The following PARP8 variants were observed in gnomAD, a reference collection of about 807,000 sequenced individuals.
The protein encoded by PARP8 is protein mono-ADP-ribosyltransferase PARP8.
Under a neutral mutation model 124.1 loss-of-function variants are expected in PARP8, and 51 were observed. The ratio of observed to expected loss-of-function variants is 0.41; its 90% CI spans 0.33 to 0.52. The LOEUF (loss-of-function observed/expected upper bound fraction) is 0.52, where lower values mean the gene tolerates loss of function less well. Among genes scored for constraint, PARP8 ranks in the 20% least tolerant of loss-of-function variants. PARP8 has a pLI of 0.21. For missense variants in PARP8, 860 were observed against 1,018.9 expected (o/e 0.84, Z 2.12); for synonymous variants, 391 against 361.5 (o/e 1.08, Z -0.93).
intron 2 of PARP8, among the ~76,000 whole-genome samples, chr5:50,714,541 TTAGG>T (rs899188824): frequency 1.3e-4 from 20 of 152,032 alleles, no homozygotes; most frequent in Non-Finnish European, 2.9e-5. Context: ...CCCGCATGCA[TTAGG>T]TAGCCACTGA....
At chr5:50,807,294 A>T (rs1743960038) in intron 14 of PARP8, among the ~76,000 whole-genome samples, 1 of 152,052 alleles carries the variant, frequency 6.6e-6, no homozygotes, top group Admixed American at 6.6e-5. Flanking sequence ...GCTTTTGTTT[A>T]CAAAAATTAT....
At chr5:50,774,518 G>C (rs1372967399) in intron 7 of PARP8, among the ~76,000 whole-genome samples, 1 of 143,658 alleles carries the variant, frequency 7.0e-6, no homozygotes, top group Non-Finnish European at 1.5e-5. Context: ...TCACTTCCCA[G>C]ACGGGGTGGC....
chr5:50,769,391 A>G (rs1463768759), intron 7 of PARP8, among the ~76,000 whole-genome samples: 1 of 151,786 alleles, frequency 6.6e-6, no homozygotes, highest in Admixed American at 6.6e-5. Flanking sequence ...AAGATGGGAG[A>G]AAAAAAATGT....
intron 9 of PARP8, among the ~76,000 whole-genome samples, chr5:50,788,176 A>G (rs1741488673): frequency 6.8e-6 from 1 of 146,338 alleles, no homozygotes; most frequent in Non-Finnish European, 1.5e-5. Context: ...TATATTATAC[A>G]TTAATATATA....
intron 2 of PARP8, among the ~76,000 whole-genome samples, chr5:50,725,636 A>C (rs1243655857): frequency 6.6e-6 from 1 of 152,200 alleles, no homozygotes; most frequent in Non-Finnish European, 1.5e-5. Flanking sequence ...GCTAGCTAAC[A>C]GAAGTTAAAA....
chr5:50,814,973 AT>A (rs201524519), intron 14 of PARP8, among the ~76,000 whole-genome samples: 120 of 148,560 alleles, frequency 8.1e-4, no homozygotes, highest in African/African-American at 2.5e-3. Flanking sequence ...GAATCATGCT[AT>A]TTTTTTTTTG....
intron 25 of PARP8, among the ~76,000 whole-genome samples, chr5:50,835,951 A>T (rs1311720622): frequency 6.6e-6 from 1 of 152,180 alleles, no homozygotes; most frequent in African/African-American, 2.4e-5. Flanking sequence ...TTCAGGGAAG[A>T]GTTGAGCATA....
At chr5:50,702,805 C>T (rs1269207661) in intron 2 of PARP8, among the ~76,000 whole-genome samples, 3 of 152,110 alleles carry the variant, frequency 2.0e-5, no homozygotes, top group East Asian at 3.9e-4. Context: ...TAGGTAAACA[C>T]GTCCGTTACA....
intron 18 of PARP8, 76 bp from the exon 19 acceptor site, chr5:50,826,679 T>A: frequency 6.7e-7 from 1 of 1,491,974 alleles, no homozygotes; most frequent in East Asian, 2.6e-5. Context: ...TAAGTTTTAA[T>A]CGGTTGCCAA....
chr5:50,750,115 A>G, intron 2 of PARP8, 36 bp from the exon 3 acceptor site: 5 of 1,512,080 alleles, frequency 3.3e-6, no homozygotes, highest in Non-Finnish European at 3.6e-6. Context: ...TACCTTAGCA[A>G]TAACTTGAGC....
intron 2 of PARP8, among the ~76,000 whole-genome samples, chr5:50,683,344 C>T (rs999951851): frequency 2.6e-5 from 4 of 152,132 alleles, no homozygotes; most frequent in Non-Finnish European, 5.9e-5. Flanking sequence ...GTGCAGTTAA[C>T]TCCCAGGAGA....
chr5:50,816,821 G>C (rs1370038332), intron 15 of PARP8, among the ~76,000 whole-genome samples: 1 of 151,980 alleles, frequency 6.6e-6, no homozygotes, highest in African/African-American at 2.4e-5. Context: ...ACTATGGAGA[G>C]CCTTTTTCTT....
In PARP8 at chr5:50,800,744, T is replaced by C. The variant is rs544932814; in HGVS notation, c.1575+3511T>C. 3.3e-5 allele frequency among the ~76,000 whole-genome samples: 5 copies of C among 151,684 alleles called. No homozygotes were observed. The South Asian group carries it at 1.0e-3, about 32-fold the overall frequency. ...ACTAACAACTATCTGGGCCTGGAGA[T>C]TTCTGTTTTAGATTTTTTTTTTTTT... On this transcript the variant is annotated intron_variant, in intron 14 of 25. Transcript: ENST00000281631.
intron 5 of PARP8, among the ~76,000 whole-genome samples, chr5:50,760,565 A>G (rs1760445687): frequency 6.6e-6 from 1 of 152,070 alleles, no homozygotes; most frequent in African/African-American, 2.4e-5. Flanking sequence ...AAAATCATAG[A>G]AAGAAATGTC....
intron 2 of PARP8, among the ~76,000 whole-genome samples, chr5:50,704,770 A>T (rs1335343279): frequency 6.6e-6 from 1 of 152,204 alleles, no homozygotes; most frequent in Admixed American, 6.5e-5. Flanking sequence ...TTACCTTTTT[A>T]ATGTGACGAT....
chr5:50,828,606 G>T (rs1412286474), intron 21 of PARP8, among the ~76,000 whole-genome samples: 2 of 152,098 alleles, frequency 1.3e-5, no homozygotes, highest in South Asian at 2.1e-4. Flanking sequence ...AAGGATGGGT[G>T]CAGTGGCTCA....
chr5:50,769,289 T>A (rs1761360385), intron 7 of PARP8, among the ~76,000 whole-genome samples: 2 of 151,474 alleles, frequency 1.3e-5, no homozygotes, highest in Non-Finnish European at 2.9e-5. Context: ...TTTTTTTTTT[T>A]AATCTTCCTG....
chr5:50,795,902 C>T (rs902247475), intron 12 of PARP8, among the ~76,000 whole-genome samples: 35 of 152,244 alleles, frequency 2.3e-4, no homozygotes, highest in African/African-American at 8.2e-4. Flanking sequence ...CAACATTTAC[C>T]ACTTTATCCC....
chr5:50,790,444 C>G (rs577348638), intron 10 of PARP8, among the ~76,000 whole-genome samples: 1 of 152,212 alleles, frequency 6.6e-6, no homozygotes, highest in African/African-American at 2.4e-5. Flanking sequence ...AAGTTGGGTA[C>G]CATTTCACCT....
Sources: gnomAD v4.1 joint callset for allele counts (sites outside exome capture counted in the v4.1 genomes callset) on GRCh38, gnomAD v4.1.1 for gene constraint, MANE v1.5 for transcripts, NCBI Gene and HGNC (gene_info 2026-07-23, HGNC 2026-07-21) for gene names.